Variants in MGRN1 observed in about 807,000 individuals in gnomAD.
MGRN1 encodes the protein E3 ubiquitin-protein ligase MGRN1.
In MGRN1, 29 loss-of-function variants were observed where a neutral mutation model predicts 69.2. The observed-to-expected ratio is 0.42, with a 90% confidence interval of 0.31 to 0.57. MGRN1 has a LOEUF of 0.57. Ranked by LOEUF, MGRN1 falls within the 20% of genes least tolerant of loss-of-function variation. MGRN1 has a pLI of 0.15. For missense variants in MGRN1, 998 were observed against 796.2 expected (o/e 1.25, Z -3.05); for synonymous variants, 470 against 344.2 (o/e 1.37, Z -4.04).
intron 1 of MGRN1, among the ~76,000 whole-genome samples, chr16:4,644,722 A>G (rs1335464053): frequency 6.6e-6 from 1 of 152,196 alleles, no homozygotes; most frequent in African/African-American, 2.4e-5. Flanking sequence ...TGACATAAAA[A>G]CCTAGTACAA....
intron 5 of MGRN1, among the ~76,000 whole-genome samples, chr16:4,660,965 C>T (rs1387521672): frequency 6.6e-6 from 1 of 152,162 alleles, no homozygotes. Context: ...ATGTGCCCCA[C>T]GTCCCTGCAG....
Position 4,687,075 on chromosome 16 carries a change from C to T in MGRN1, c.1619-1721C>T, listed in dbSNP as rs530441336. The T allele has an allele frequency of 3.0e-6, 3 of 985,544 alleles. No homozygotes were observed. The East Asian group carries it at 3.4e-4, about 112-fold the overall frequency. The allele number at this position is 985,544 out of a possible 1,614,324, so 61.0% of individuals were successfully genotyped here. On this transcript the variant is annotated intron_variant, in intron 16 of 16. Coordinates refer to ENST00000262370, the MANE Select transcript of MGRN1 (RefSeq NM_015246.4). ...GGGCCTGGCATCACCATGGGCCTGG[C>T]ACACAGTCCCTCGTGGGCTGCCTTT...
chr16:4,652,671 G>C lies in MGRN1; in HGVS notation c.297-7G>C. ...CCCGCTGCCTTTCTCTCCACCGCCT[G>C]GGGTAGGTACAAAGACGATGCCGAC... is the stretch of plus-strand genomic sequence containing the variant. On this transcript the variant is annotated splice_region_variant and splice_polypyrimidine_tract_variant and intron_variant, in intron 3 of 16. Coordinates refer to ENST00000262370, the MANE Select transcript of MGRN1 (RefSeq NM_015246.4). 6.2e-7 allele frequency: 1 copy of C among 1,605,188 alleles called. No homozygotes were observed. The highest frequency in any genetic ancestry group is 8.5e-7 in the Non-Finnish European group (1 of 1,174,278).
intron 1 of MGRN1, among the ~76,000 whole-genome samples, chr16:4,643,190 G>T (rs113146123): frequency 0.061 from 9,329 of 151,980 alleles, 947 homozygotes; most frequent in African/African-American, 0.21. Context: ...TCGATCTCCT[G>T]ACCTTGTGAT....
chr16:4,662,009 G>T (rs1041922045), intron 5 of MGRN1, among the ~76,000 whole-genome samples: 1 of 152,150 alleles, frequency 6.6e-6, no homozygotes, highest in Admixed American at 6.5e-5. Flanking sequence ...GAACGCCAGG[G>T]TGCTGCCAGC....
At position 4,657,507 on chromosome 16, in the gene MGRN1, G is replaced by T. The variant is rs2078574152; in HGVS notation, c.561+144G>T. On this transcript the variant is annotated intron_variant, in intron 5 of 16. Transcript: ENST00000262370. ...GAACGGCCGCCCCAGTCTGTGCTCA[G>T]GTGGACGTGTGGATGGGCGGGAGCA... 5 of 808,304 alleles carry T rather than the reference G, an allele frequency of 6.2e-6. No individual in the cohort carries two copies. The South Asian group carries it at 7.8e-5, about 13-fold the overall frequency. The allele number at this position is 808,304 out of a possible 1,614,324, so 50.1% of individuals were successfully genotyped here. A position where few individuals can be genotyped will look rare whatever the true frequency, so the allele number is the denominator to read the frequency against.
chr16:4,674,379 C>T (rs1055765165), intron 10 of MGRN1, among the ~76,000 whole-genome samples: 2 of 151,778 alleles, frequency 1.3e-5, no homozygotes, highest in East Asian at 1.9e-4. Context: ...AACTCCGCCT[C>T]CCGGGTTTAA....
rs984090882 is a variant in MGRN1 at position 4,624,878 on chromosome 16, C to T, written c.-83C>T. 197 of 1,252,820 alleles carry T rather than the reference C, an allele frequency of 1.6e-4. No homozygotes were observed. Among genetic ancestry groups the T allele is most frequent in the Middle Eastern group, 2.1e-4 (1 of 4,854 alleles). The allele number at this position is 1,252,820 out of a possible 1,614,324, so 77.6% of individuals were successfully genotyped here. A position where few individuals can be genotyped will look rare whatever the true frequency, so the allele number is the denominator to read the frequency against. Reference sequence around the variant, plus strand: ...GGACGAGCGTCCGTGCGGCCTGGTCCGGGCCATGTCCGCGTGAGGACCCCG... The same window carrying T: ...GGACGAGCGTCCGTGCGGCCTGGTCTGGGCCATGTCCGCGTGAGGACCCCG... On this transcript the variant is annotated 5_prime_UTR_variant, in exon 1 of 17. Transcript: ENST00000262370.
At chr16:4,679,995 G>T (rs1249406680) in intron 11 of MGRN1, 37 bp from the exon 12 acceptor site, 1 of 1,601,424 alleles carries the variant, frequency 6.2e-7, no homozygotes, top group Middle Eastern at 1.7e-4. Context: ...CCGCGTGGGG[G>T]TGGTAGTTGT....
chr16:4,659,452 C>T (rs1166287434), intron 5 of MGRN1, among the ~76,000 whole-genome samples: 1 of 152,096 alleles, frequency 6.6e-6, no homozygotes, highest in East Asian at 1.9e-4. Flanking sequence ...GGTGAGGTGG[C>T]CGGGGTAGGG....
At chr16:4,626,443 C>A (rs1165535715) in intron 1 of MGRN1, among the ~76,000 whole-genome samples, 1 of 152,168 alleles carries the variant, frequency 6.6e-6, no homozygotes, top group African/African-American at 2.4e-5. Context: ...TGACCTTGGT[C>A]GAGGTTGCTT....
chr16:4,675,696 T>C (rs984382074), intron 10 of MGRN1, among the ~76,000 whole-genome samples: 10 of 147,718 alleles, frequency 6.8e-5, no homozygotes, highest in African/African-American at 2.3e-4. Context: ...GTGCCACCAC[T>C]GCACCCCCGC....
chr16:4,641,232 G>A (rs955671368), intron 1 of MGRN1, among the ~76,000 whole-genome samples: 8 of 152,190 alleles, frequency 5.3e-5, no homozygotes, highest in African/African-American at 1.4e-4. Context: ...GGGCGGCCCC[G>A]CCCCTAACAC....
intron 1 of MGRN1, among the ~76,000 whole-genome samples, chr16:4,630,330 G>C (rs1290491936): frequency 6.7e-6 from 1 of 148,762 alleles, no homozygotes; most frequent in Non-Finnish European, 1.5e-5. Context: ...ACTCCAGCCT[G>C]AGCGACAGAG....
At chr16:4,662,605 C>A (rs191461158) in intron 5 of MGRN1, among the ~76,000 whole-genome samples, 2 of 152,110 alleles carry the variant, frequency 1.3e-5, no homozygotes, top group Non-Finnish European at 2.9e-5. Flanking sequence ...GTCGAGAGGA[C>A]TTCATTTGCG....
intron 1 of MGRN1, among the ~76,000 whole-genome samples, chr16:4,636,482 C>A (rs546986914): frequency 7.2e-5 from 11 of 152,072 alleles, no homozygotes; most frequent in Admixed American, 4.6e-4. Context: ...TTGTGTCTGG[C>A]GGTGGTGCCC....
chr16:4,629,226 CA>C (rs1567164513), intron 1 of MGRN1, among the ~76,000 whole-genome samples: 1 of 150,380 alleles, frequency 6.6e-6, no homozygotes, highest in African/African-American at 2.4e-5. Context: ...GTCCAATTTT[CA>C]AAAACTGGAT....
At chr16:4,662,900 C>G (rs1191132517) in intron 5 of MGRN1, among the ~76,000 whole-genome samples, 1 of 152,144 alleles carries the variant, frequency 6.6e-6, no homozygotes, top group Non-Finnish European at 1.5e-5. Flanking sequence ...ACCTGGACAT[C>G]CGTGGGGGTG....
At chr16:4,637,238 C>T (rs142668814) in intron 1 of MGRN1, among the ~76,000 whole-genome samples, 9,119 of 150,850 alleles carry the variant, frequency 0.06, 384 homozygotes, top group Middle Eastern at 0.1. Flanking sequence ...AAGACCAGCC[C>T]GGCCAACATG....
Sources: allele counts gnomAD v4.1 joint callset (sites outside exome capture counted in the v4.1 genomes callset), GRCh38; gene constraint gnomAD v4.1.1; transcripts MANE v1.5; gene names NCBI Gene and HGNC (gene_info 2026-07-23, HGNC 2026-07-21).